Variants in LAMB1 observed in about 807,000 individuals in gnomAD.
LAMB1 encodes the protein laminin subunit beta-1.
LAMB1 carries 121 observed loss-of-function variants against 222.3 expected under a neutral mutation model. That is an observed-to-expected ratio of 0.54 (90% CI 0.47 to 0.63). The LOEUF (loss-of-function observed/expected upper bound fraction) is 0.63. Among genes scored for constraint, LAMB1 ranks in the 30% least tolerant of loss-of-function variants. LAMB1 has a pLI of 0.00. For synonymous variants in LAMB1, 794 were observed against 807.2 expected (o/e 0.98, Z 0.28); for missense variants, 2,172 against 2,240.8 (o/e 0.97, Z 0.62).
At chr7:107,961,083 G>T in intron 17 of LAMB1, 123 bp downstream of exon 17, 3 of 1,071,260 alleles carry the variant, frequency 2.8e-6, no homozygotes, top group Non-Finnish European at 1.4e-6. Context: ...AACCGTGGAG[G>T]CAAGAAAGAA....
In LAMB1 at chr7:107,946,191, G is replaced by A. The variant is rs1321277774; in HGVS notation, c.3391+5035C>T. On this transcript the variant is annotated intron_variant, in intron 24 of 33. Transcript: ENST00000222399. ...GTGGGACTCCAGGATCTGCTGCAAT[G>A]CCAAGAATTTTACTGATACTTTACT... Among the ~76,000 whole-genome samples the A allele has an allele frequency of 3.3e-5, 5 of 152,204 alleles. No individual in the cohort carries two copies. In the East Asian group the frequency reaches 9.6e-4, roughly 29 times the overall value.
chr7:107,982,928 A>G (rs1444085016), intron 7 of LAMB1, among the ~76,000 whole-genome samples: 1 of 152,242 alleles, frequency 6.6e-6, no homozygotes, highest in Non-Finnish European at 1.5e-5. Context: ...AATCAAAATT[A>G]TAAAGACAAC....
At position 107,975,865 on chromosome 7, in the gene LAMB1, T is replaced by C. The variant is rs775907650; in HGVS notation, c.1013A>G (p.Asn338Ser). The change falls in exon 10 of 34, where the codon AAT (asparagine) becomes AGT (serine). Residue 338 changes from asparagine (N) to serine (S), a missense_variant. Coordinates refer to ENST00000222399, the MANE Select transcript of LAMB1 (RefSeq NM_002291.3). Reference protein sequence around the residue: ...NSNACKKCNCNEHSISCHFDM... With the variant: ...NSNACKKCNCSEHSISCHFDM... ...AAAGTGACAAGAGATGGAATGTTCA[T>C]TGCAGTTACATTCTGCGTGACAAGA... 6.2e-6 allele frequency: 10 copies of C among 1,613,834 alleles called. No homozygotes were observed. In the African/African-American group the frequency reaches 8.0e-5, roughly 13 times the overall value.
Position 107,962,963 on chromosome 7 carries a change from A to C in LAMB1, c.1799T>G (p.Phe600Cys). Reference protein sequence around the residue: ...RVPEGAYLEFFIDNIPYSMEY... With the variant: ...RVPEGAYLEFCIDNIPYSMEY... ...CATGGAATATGGTATGTTGTCAATGAAAAACTCCAAATAAGCCCCTTCAGG... is the reference window on the plus strand; with the variant it reads ...CATGGAATATGGTATGTTGTCAATGCAAAACTCCAAATAAGCCCCTTCAGG... Residue 600 changes from phenylalanine to cysteine, a missense_variant, in exon 15 of 34, where the codon TTC (phenylalanine) becomes TGC (cysteine). By Grantham distance (205) the Phe-to-Cys change is radical. Transcript: ENST00000222399. 1 of 1,614,112 alleles carries C rather than the reference A, an allele frequency of 6.2e-7. No individual in the cohort carries two copies. The highest frequency in any genetic ancestry group is 8.5e-7 in the Non-Finnish European group (1 of 1,179,986).
rs58278482 is a variant in LAMB1, at chr7:107,955,898, G to GT, written c.2691-269dup. 0.28 allele frequency among the ~76,000 whole-genome samples: 41,733 copies of GT among 151,436 alleles called. 6,037 individuals carry two copies. Among genetic ancestry groups the GT allele is most frequent in the East Asian group, 0.56 (2,859 of 5,096 alleles). On this transcript the variant is annotated intron_variant, in intron 20 of 33. Transcript: ENST00000222399. Reference sequence around the variant, plus strand: ...CAGGCACACACCACCACACCTGGCTGTTTTTTTGTTTGTTTTTGAGATGGA... The same window carrying GT: ...CAGGCACACACCACCACACCTGGCTGTTTTTTTTGTTTGTTTTTGAGATGGA...
intron 24 of LAMB1, among the ~76,000 whole-genome samples, chr7:107,950,934 G>GTGTGTGTGTA (rs1192867412): frequency 5.6e-5 from 5 of 89,726 alleles, no homozygotes; most frequent in Non-Finnish European, 9.4e-5. Flanking sequence ...GTGTGTGTGT[G>GTGTGTGTGTA]TGTGTGTGTG....
At chr7:107,926,862 G>C (rs1454555406) in intron 31 of LAMB1, among the ~76,000 whole-genome samples, 1 of 152,158 alleles carries the variant, frequency 6.6e-6, no homozygotes. Context: ...ATAGAATTGT[G>C]AGATGATGTA....
intron 25 of LAMB1, among the ~76,000 whole-genome samples, chr7:107,938,988 G>A (rs1296578619): frequency 6.6e-6 from 1 of 152,142 alleles, no homozygotes; most frequent in Non-Finnish European, 1.5e-5. Context: ...CTTCTTAAAG[G>A]TGCTGATTAA....
At position 107,940,104 on chromosome 7, in the gene LAMB1, A is replaced by T. The variant is rs2032944066; in HGVS notation, c.3646T>A (p.Tyr1216Asn). The change falls in exon 25 of 34, where the codon TAC becomes AAC. Residue 1216 changes from tyrosine (Y) to asparagine (N), a missense_variant. Coordinates refer to ENST00000222399, the MANE Select transcript of LAMB1 (RefSeq NM_002291.3). The stretch of plus-strand genomic sequence containing the variant: ...TCCACCGAGTCCACAGTCTCACGGT[A>T]AGGCCCGATCACACCACTGATCTTC... ...ALKISGVIGP[Y>N]RETVDSVERK... is the part of the protein sequence containing the mutation. 1 of 1,613,946 alleles carries T rather than the reference A, an allele frequency of 6.2e-7. No homozygotes were observed. The highest frequency in any genetic ancestry group is 8.5e-7 in the Non-Finnish European group (1 of 1,180,016).
rs1293214009 is a variant in LAMB1, at chr7:107,975,088, G to T, written c.1380C>A (p.Cys460Ter). Residue 460 changes from cysteine to a stop codon, truncating the protein, a stop_gained, in exon 12 of 34, where the codon TGC becomes TGA. Transcript: ENST00000222399. LOFTEE classifies it high-confidence loss of function. Reference sequence around the variant, plus strand: ...CTCCAGGAATTGTTCCCAGAGGATTGCAAGCACAAGCTGTATTAAAACAAA... The same window carrying T: ...CTCCAGGAATTGTTCCCAGAGGATTTCAAGCACAAGCTGTATTAAAACAAA... ...EDPFGCKSCA[C>*]NPLGTIPGGN... 1.9e-6 allele frequency: 3 copies of T among 1,604,818 alleles called. No homozygotes were observed. The highest frequency in any genetic ancestry group is 1.7e-6 in the Non-Finnish European group (2 of 1,171,738).
intron 27 of LAMB1, 68 bp downstream of exon 27, chr7:107,935,347 G>GCT: frequency 7.7e-6 from 9 of 1,171,422 alleles, no homozygotes; most frequent in South Asian, 1.5e-5. Context: ...GTTTTTCTTT[G>GCT]TTTTTTTTTT....
At chr7:107,948,394 C>A (rs952831844) in intron 24 of LAMB1, among the ~76,000 whole-genome samples, 17 of 151,982 alleles carry the variant, frequency 1.1e-4, no homozygotes, top group Admixed American at 2.6e-4. Flanking sequence ...ATGAAAAAAA[C>A]AAAACTAAAG....
intron 24 of LAMB1, among the ~76,000 whole-genome samples, chr7:107,950,741 T>G (rs1167948714): frequency 1.3e-5 from 2 of 152,222 alleles, no homozygotes; most frequent in Non-Finnish European, 2.9e-5. Flanking sequence ...CAACAGAGTC[T>G]AGTTGATCCA....
At chr7:107,954,573 G>C (rs2033335381) in intron 21 of LAMB1, among the ~76,000 whole-genome samples, 1 of 152,120 alleles carries the variant, frequency 6.6e-6, no homozygotes, top group African/African-American at 2.4e-5. Context: ...AGGAGATCGA[G>C]ACCATCCTGG....
At position 107,962,809 on chromosome 7, in the gene LAMB1, C is replaced by T; in HGVS notation, c.1857+96G>A. The T allele has an allele frequency of 3.0e-6, 3 of 989,658 alleles. No individual in the cohort carries two copies. The South Asian group carries it at 5.5e-5, about 18-fold the overall frequency. 61.3% of individuals were successfully genotyped at this position (989,658 alleles called of 1,614,324 possible). A position where few individuals can be genotyped will look rare whatever the true frequency, so the allele number is the denominator to read the frequency against. ...ATCTGATCTGTTCTAATGCAACCTC[C>T]ATATTTCATAACTATATATAATACC... On this transcript the variant is annotated intron_variant, in intron 15 of 33. Transcript: ENST00000222399.
intron 25 of LAMB1, among the ~76,000 whole-genome samples, 166 bp from the exon 26 acceptor site, chr7:107,937,443 T>C (rs902220631): frequency 1.3e-5 from 2 of 152,232 alleles, no homozygotes; most frequent in Non-Finnish European, 2.9e-5. Context: ...TAACAGATAG[T>C]ATTAAATCTA....
chr7:107,972,480 T>C (rs2033768813), intron 13 of LAMB1, among the ~76,000 whole-genome samples: 1 of 152,184 alleles, frequency 6.6e-6, no homozygotes, highest in Non-Finnish European at 1.5e-5. Context: ...ATGTGTGTTC[T>C]GATAGCTTCT....
Position 107,955,591 on chromosome 7 carries a change from T to G in LAMB1, c.2730A>C (p.Ser910=). ...AAGGGCAAGGGCGGCAGTGATCTCC[T>G]GACCCAATGATGGGGTCGCCATAGT... ...AGYYGDPIIG[S]GDHCRPCPCP... The change falls in exon 21 of 34, where the codon TCA becomes TCC. Residue 910 remains serine (S), a synonymous_variant. Coordinates refer to ENST00000222399, the MANE Select transcript of LAMB1 (RefSeq NM_002291.3). The G allele has an allele frequency of 6.2e-7, 1 of 1,613,934 alleles. No individual in the cohort carries two copies. Among genetic ancestry groups the G allele is most frequent in the Non-Finnish European group, 8.5e-7 (1 of 1,179,938 alleles).
At chr7:107,980,919 G>A in intron 7 of LAMB1, 108 bp from the exon 8 acceptor site, 1 of 649,912 alleles carries the variant, frequency 1.5e-6, no homozygotes, top group Non-Finnish European at 2.7e-6. Flanking sequence ...CATGAAAATA[G>A]CTTAAGTTCC....
Sources: allele counts gnomAD v4.1 joint callset (sites outside exome capture counted in the v4.1 genomes callset), GRCh38; gene constraint gnomAD v4.1.1; transcripts MANE v1.5; gene names NCBI Gene and HGNC (gene_info 2026-07-23, HGNC 2026-07-21).